Variants in ZNG1B observed in about 807,000 individuals in gnomAD.
The protein encoded by ZNG1B is Zn regulated GTPase metalloprotein activator 1B, also known as zinc-regulated GTPase metalloprotein activator 1B.
chr2:113,475,297 G>A, the ZNG1B span, among the ~76,000 whole-genome samples: 1 of 151,912 alleles, frequency 6.6e-6, no homozygotes, highest in South Asian at 2.1e-4. Context: ...TTTTATCAGA[G>A]ACTAGGATTG....
chr2:113,444,537 A>C, the ZNG1B span, among the ~76,000 whole-genome samples: 5 of 152,114 alleles, frequency 3.3e-5, no homozygotes, highest in Non-Finnish European at 7.4e-5. Context: ...AATAAGAAAA[A>C]AGGAAATTAA....
chr2:113,455,492 A>G, the ZNG1B span: 2 of 726,808 alleles, frequency 2.8e-6, no homozygotes, highest in Non-Finnish European at 4.2e-6. Flanking sequence ...TATAAAATGC[A>G]TTTAGTAAGA....
the ZNG1B span, among the ~76,000 whole-genome samples, chr2:113,492,283 A>G: frequency 1.4e-5 from 2 of 139,772 alleles, 1 homozygote; most frequent in African/African-American, 5.1e-5. Context: ...TGTGATATAT[A>G]TATACATACA....
At chr2:113,495,937 C>A in the ZNG1B span, 6 of 630,288 alleles carry the variant, frequency 9.5e-6, 2 homozygotes, top group African/African-American at 1.9e-5. Context: ...TATATAATAT[C>A]CTTTTTTTTA....
the ZNG1B span, among the ~76,000 whole-genome samples, chr2:113,439,381 C>G: frequency 6.6e-6 from 1 of 151,854 alleles, no homozygotes; most frequent in Non-Finnish European, 1.5e-5. Flanking sequence ...TGATGTCCTA[C>G]AACTTAAAAC....
chr2:113,471,729 G>A, the ZNG1B span, among the ~76,000 whole-genome samples: 4 of 149,958 alleles, frequency 2.7e-5, no homozygotes, highest in South Asian at 2.1e-4. Context: ...GAGAATATGC[G>A]GTGTTTGGTT....
At chr2:113,477,608 G>T in the ZNG1B span, among the ~76,000 whole-genome samples, 1 of 152,182 alleles carries the variant, frequency 6.6e-6, no homozygotes, top group Non-Finnish European at 1.5e-5. Context: ...TTTTTGGTAA[G>T]GGAGGGAAGA....
the ZNG1B span, among the ~76,000 whole-genome samples, chr2:113,478,060 T>C: frequency 2.0e-5 from 3 of 152,122 alleles, no homozygotes; most frequent in Non-Finnish European, 4.4e-5. Flanking sequence ...TCCCTTTTTC[T>C]GTTAGTGGAC....
the ZNG1B span, among the ~76,000 whole-genome samples, chr2:113,471,545 A>G: frequency 1.3e-5 from 2 of 151,400 alleles, no homozygotes; most frequent in African/African-American, 2.4e-5. Context: ...GGTTAGTTAC[A>G]TATGTATACA....
the ZNG1B span, among the ~76,000 whole-genome samples, chr2:113,438,340 T>A: frequency 6.6e-6 from 1 of 152,078 alleles, no homozygotes; most frequent in Non-Finnish European, 1.5e-5. Context: ...TTCCTGACGC[T>A]CATCTACCTC....
the ZNG1B span, chr2:113,495,267 C>T: frequency 2.3e-4 from 348 of 1,514,170 alleles, 53 homozygotes; most frequent in Non-Finnish European, 2.8e-5. Context: ...TGAAAGGATT[C>T]ACAGTTTTAA....
At chr2:113,475,377 G>T in the ZNG1B span, among the ~76,000 whole-genome samples, 1 of 151,950 alleles carries the variant, frequency 6.6e-6, no homozygotes, top group African/African-American at 2.4e-5. Context: ...TTGAGCCTAT[G>T]TGTGTCTCTG....
the ZNG1B span, chr2:113,447,905 A>G: frequency 2.2e-6 from 1 of 451,776 alleles, no homozygotes; most frequent in Non-Finnish European, 4.4e-6. Flanking sequence ...TATTTCCTCC[A>G]TTGAAGTCTG....
the ZNG1B span, among the ~76,000 whole-genome samples, chr2:113,452,344 C>T: frequency 8.5e-5 from 13 of 152,062 alleles, no homozygotes; most frequent in African/African-American, 2.4e-4. Flanking sequence ...CAGCTTTAGA[C>T]GTTGGAATGA....
At chr2:113,450,197 A>G in the ZNG1B span, among the ~76,000 whole-genome samples, 1 of 149,674 alleles carries the variant, frequency 6.7e-6, no homozygotes, top group African/African-American at 2.5e-5. Flanking sequence ...TAGTTCTTCT[A>G]AGAACATTTT....
At chr2:113,442,888 T>C in the ZNG1B span, among the ~76,000 whole-genome samples, 15 of 152,144 alleles carry the variant, frequency 9.9e-5, no homozygotes, top group African/African-American at 3.6e-4. Flanking sequence ...ATAATTCTTA[T>C]AGATAACAAG....
the ZNG1B span, chr2:113,462,493 A>C: frequency 1.3e-6 from 2 of 1,594,702 alleles, no homozygotes; most frequent in African/African-American, 2.7e-5. Flanking sequence ...AGCGACAATT[A>C]GGTACGAAAT....
chr2:113,481,219 C>CCTTTTTTTT, the ZNG1B span, among the ~76,000 whole-genome samples: 1 of 141,284 alleles, frequency 7.1e-6, no homozygotes. Flanking sequence ...TCTACATACA[C>CCTTTTTTTT]TTAAGAGCAG....
chr2:113,441,277 A>C, the ZNG1B span: 3 of 1,326,580 alleles, frequency 2.3e-6, no homozygotes, highest in Non-Finnish European at 3.1e-6. Context: ...CAAAAACGTT[A>C]GGATTCTTTA....
Sources: gnomAD v4.1 joint callset for allele counts (sites outside exome capture counted in the v4.1 genomes callset) on GRCh38, gnomAD v4.1.1 for gene constraint, MANE v1.5 for transcripts, NCBI Gene and HGNC (gene_info 2026-07-23, HGNC 2026-07-21) for gene names.